Variants in BSN observed in about 807,000 individuals in gnomAD.
BSN encodes the protein bassoon presynaptic cytomatrix protein.
In BSN, 57 loss-of-function variants were observed where a neutral mutation model predicts 264.8. The ratio of observed to expected loss-of-function variants is 0.22; its 90% CI spans 0.17 to 0.27. The LOEUF (loss-of-function observed/expected upper bound fraction) is 0.27, where lower values mean the gene tolerates loss of function less well. BSN is among the 10% of genes least tolerant of loss of function. The probability of loss-of-function intolerance (pLI) is 1.00; values close to 1 mark genes in which losing one functional copy is unlikely to be tolerated. For synonymous variants in BSN, 2,059 were observed against 2,137.3 expected, an observed-to-expected ratio of 0.96 and a Z score of 1.01; for missense variants, 4,615 against 5,232.5, an observed-to-expected ratio of 0.88 and a Z score of 3.64.
Position 49,642,494 on chromosome 3 carries a change from T to G in BSN, c.860T>G (p.Val287Gly). ...GCTGAGACAGCCAGGGCCACCTCAG[T>G]GCCGGGGCCTGCCCAAGCAGCTGCC... is the stretch of plus-strand genomic sequence containing the variant. Reference protein sequence around the residue: ...RQAETARATSVPGPAQAAAPP... With the variant: ...RQAETARATSGPGPAQAAAPP... Residue 287 changes from valine to glycine, a missense_variant, in exon 3 of 12, where the codon GTG becomes GGG. Val to Gly is a moderately radical substitution (Grantham distance 109). Around this residue, in one of 3 missense-constraint regions of BSN, gnomAD observed 1,197 missense variants for 1,348.0 expected, o/e 0.89. Transcript: ENST00000296452. The surrounding 1 kb of genome is among the most constrained non-coding windows in gnomAD (Gnocchi z 7.0). 6.4e-7 allele frequency: 1 copy of G among 1,568,202 alleles called. No homozygotes were observed. Among genetic ancestry groups the G allele is most frequent in the Non-Finnish European group, 8.6e-7 (1 of 1,157,968 alleles).
chr3:49,654,959 A>T lies in BSN; in HGVS notation c.5403A>T (p.Arg1801Ser). ...RGRPREAKFA[R>S]YNLPNQVAPL... The stretch of plus-strand genomic sequence containing the variant: ...GACCCAGGGAGGCCAAGTTTGCCAG[A>T]TATAACCTACCCAACCAAGTAGCTC... Residue 1801 changes from arginine (R) to serine (S), a missense_variant, in exon 5 of 12, where the codon AGA becomes AGT. Arg to Ser is a moderately radical substitution (Grantham distance 110, BLOSUM62 -1). Around this residue, in one of 3 missense-constraint regions of BSN, gnomAD observed 3,415 missense variants for 3,866.4 expected, o/e 0.88. Transcript: ENST00000296452. This position sits in a 1 kb window ranked among gnomAD's most constrained non-coding sequence, Gnocchi z 4.1. 6.2e-7 allele frequency: 1 copy of T among 1,612,656 alleles called. No individual in the cohort carries two copies.
intron 1 of BSN, among the ~76,000 whole-genome samples, chr3:49,598,589 G>C (rs1233876491): frequency 2.0e-5 from 3 of 152,182 alleles, no homozygotes; most frequent in Admixed American, 2.0e-4. Context: ...GAGGCACCAT[G>C]CCTGGCCTTT....
Position 49,655,092 on chromosome 3 carries a change from C to T in BSN, c.5536C>T (p.Pro1846Ser). The change falls in exon 5 of 12, where the codon CCT becomes TCT. Residue 1846 changes from proline to serine, a missense_variant. Pro to Ser is a moderately conservative substitution (Grantham distance 74). Transcript: ENST00000296452. Reference sequence around the variant, plus strand: ...AGGTGCCGAGCCCCACCGGGCCACCCCTGCAGAGCTGCGGTCACATGCTCT... The same window carrying T: ...AGGTGCCGAGCCCCACCGGGCCACCTCTGCAGAGCTGCGGTCACATGCTCT... ...EPGAEPHRAT[P>S]AELRSHALPG... 1 of 1,612,860 alleles carries T rather than the reference C, an allele frequency of 6.2e-7. No homozygotes were observed. Among genetic ancestry groups the T allele is most frequent in the Non-Finnish European group, 8.5e-7 (1 of 1,179,976 alleles).
Position 49,651,139 on chromosome 3 carries a change from C to T in BSN, c.1986+60C>T. On this transcript the variant is annotated intron_variant, in intron 4 of 11. Transcript: ENST00000296452. The surrounding 1 kb of genome is among the most constrained non-coding windows in gnomAD (Gnocchi z 5.4). ...TCAGACAGGACAGTCTATGGAAAGG[C>T]TTGCCTCCCTGGGTGGCTGAGGCTG... 6.6e-7 allele frequency: 1 copy of T among 1,514,990 alleles called. No individual in the cohort carries two copies. 93.8% of individuals were successfully genotyped at this position (1,514,990 alleles called of 1,614,324 possible).
intron 1 of BSN, among the ~76,000 whole-genome samples, chr3:49,612,360 C>T (rs2052215551): frequency 6.6e-6 from 1 of 152,206 alleles, no homozygotes; most frequent in Non-Finnish European, 1.5e-5. Flanking sequence ...TGGTCTCGAT[C>T]TCCTGACCTT....
chr3:49,563,959 C>T (rs1459573517), intron 1 of BSN, among the ~76,000 whole-genome samples: 3 of 152,304 alleles, frequency 2.0e-5, no homozygotes, highest in South Asian at 4.1e-4. Flanking sequence ...TATTTTTGCT[C>T]ACAGGTTTAG....
intron 1 of BSN, among the ~76,000 whole-genome samples, chr3:49,573,368 C>A (rs935725570): frequency 6.6e-6 from 1 of 152,146 alleles, no homozygotes; most frequent in African/African-American, 2.4e-5. Flanking sequence ...GGAAGATGGA[C>A]CAGAAAGATG....
In BSN at chr3:49,661,449, G is replaced by T; in HGVS notation, c.9604G>T (p.Asp3202Tyr). The change falls in exon 6 of 12, where the codon GAC (aspartate) becomes TAC (tyrosine). Residue 3202 changes from aspartate to tyrosine, a missense_variant. By Grantham distance (160) the Asp-to-Tyr change is radical (BLOSUM62 -3). Transcript: ENST00000296452. ...GGTCCCTGAGGTGCCCCGGGCTGGT[G>T]ACCGTGGCAGTGTGAGCCAGAGCCC... Reference protein sequence around the residue: ...GKVPEVPRAGDRGSVSQSPAP... With the variant: ...GKVPEVPRAGYRGSVSQSPAP... The T allele has an allele frequency of 6.2e-7, 1 of 1,613,538 alleles. No individual in the cohort carries two copies. Among genetic ancestry groups the T allele is most frequent in the South Asian group, 1.1e-5 (1 of 91,046 alleles).
chr3:49,598,435 C>T (rs1421562400), intron 1 of BSN, among the ~76,000 whole-genome samples: 2 of 152,156 alleles, frequency 1.3e-5, no homozygotes, highest in Non-Finnish European at 2.9e-5. Flanking sequence ...TCCTAGGGGT[C>T]ACCCCTGGGT....
At chr3:49,599,138 G>A (rs1038773320) in intron 1 of BSN, among the ~76,000 whole-genome samples, 1 of 152,192 alleles carries the variant, frequency 6.6e-6, no homozygotes, top group Non-Finnish European at 1.5e-5. Context: ...TGCTCCATCA[G>A]TGTTTGGCCA....
rs149010539 is a variant in BSN at position 49,648,651 on chromosome 3, T to C, written c.1519-1961T>C. On this transcript the variant is annotated intron_variant, in intron 3 of 11. Coordinates refer to ENST00000296452, the MANE Select transcript of BSN (RefSeq NM_003458.4). ...GGGCTCGGTCTCAACCTATCTGTAT[T>C]TTCCCCAGGCACCTCTGGGGGTGCA... Among the ~76,000 whole-genome samples the C allele has an allele frequency of 8.5e-3, 1,298 of 152,318 alleles. 10 individuals are homozygous for C. Among genetic ancestry groups the C allele is most frequent in the Non-Finnish European group, 0.014 (928 of 68,016 alleles).
chr3:49,589,371 A>G (rs1039824196), intron 1 of BSN, among the ~76,000 whole-genome samples: 4 of 151,894 alleles, frequency 2.6e-5, no homozygotes, highest in Non-Finnish European at 5.9e-5. Flanking sequence ...TCTCCCTTCA[A>G]TTCCGTCAGT....
rs1012248321 is a variant in BSN at position 49,663,464 on chromosome 3, C to T, written c.11306C>T (p.Ser3769Phe). The change falls in exon 7 of 12, where the codon TCT becomes TTT. Residue 3769 changes from serine to phenylalanine, a missense_variant. By Grantham distance (155) the Ser-to-Phe change is radical. Transcript: ENST00000296452. ...TCACCATCATCCAGGCAAATACCCT[C>T]TGGGGCAGCATCACGCCAGCCACAG... ...SQSPSSRQIP[S>F]GAASRQPQTQ... The T allele has an allele frequency of 4.3e-6, 7 of 1,612,976 alleles. No homozygotes were observed. The South Asian group carries it at 6.6e-5, about 15-fold the overall frequency.
chr3:49,643,022 C>A lies in BSN; in HGVS notation c.1388C>A (p.Ala463Asp). 6.2e-7 allele frequency: 1 copy of A among 1,614,112 alleles called. No individual in the cohort carries two copies. Among genetic ancestry groups the A allele is most frequent in the East Asian group, 2.2e-5 (1 of 44,888 alleles). Residue 463 changes from alanine to aspartate, a missense_variant, in exon 3 of 12, where the codon GCC (alanine) becomes GAC (aspartate). Physicochemically the swap from Ala to Asp is moderately radical, Grantham distance 126. This residue lies in a region of BSN where 1,197 missense variants were observed against 1,348.0 expected (regional missense o/e 0.89). Transcript: ENST00000296452. ...CCAAAGACCATGCCGAAGGAAAGGG[C>A]CATCTGCCCACTGTGCCAAGCCGAG... ...AKPKTMPKER[A>D]ICPLCQAELN...
At chr3:49,595,573 C>T (rs1270302310) in intron 1 of BSN, among the ~76,000 whole-genome samples, 1 of 151,868 alleles carries the variant, frequency 6.6e-6, no homozygotes, top group Non-Finnish European at 1.5e-5. Context: ...CTCACCGCAG[C>T]CTTGAACTCC....
In BSN at chr3:49,651,221, A is replaced by G. The variant is rs779441236; in HGVS notation, c.1986+142A>G. On this transcript the variant is annotated intron_variant, in intron 4 of 11. Transcript: ENST00000296452. The surrounding 1 kb of genome is among the most constrained non-coding windows in gnomAD (Gnocchi z 5.4). The stretch of plus-strand genomic sequence containing the variant: ...AGGAGGGAAGGGACACAGTAGAAGG[A>G]AAGTCTAGATGAGGTTCTGGCACGC... 2 of 853,224 alleles carry G rather than the reference A, an allele frequency of 2.3e-6. No individual in the cohort carries two copies. The highest frequency in any genetic ancestry group is 3.5e-6 in the Non-Finnish European group (2 of 571,970). The allele number at this position is 853,224 out of a possible 1,614,324, so 52.9% of individuals were successfully genotyped here.
At position 49,655,799 on chromosome 3, in the gene BSN, C is replaced by T. The variant is rs764357606; in HGVS notation, c.6243C>T (p.Gly2081=). 31 of 1,613,436 alleles carry T rather than the reference C, an allele frequency of 1.9e-5. No individual in the cohort carries two copies. The highest frequency in any genetic ancestry group is 2.5e-5 in the Non-Finnish European group (30 of 1,180,034). The change falls in exon 5 of 12, where the codon GGC becomes GGT. Residue 2081 remains glycine (G), a synonymous_variant. Coordinates refer to ENST00000296452, the MANE Select transcript of BSN (RefSeq NM_003458.4). ...HRYGPRGDAV[G]FQEASLAQYS... is the part of the protein sequence containing the mutation. ...ACGGCCCACGGGGAGATGCAGTTGG[C>T]TTCCAGGAGGCCAGCCTGGCCCAGT...
intron 1 of BSN, among the ~76,000 whole-genome samples, chr3:49,568,843 T>C (rs182474918): frequency 3.8e-4 from 58 of 152,242 alleles, no homozygotes; most frequent in South Asian, 4.1e-4. Context: ...AAATGGTAAA[T>C]GTATAAGTTG....
chr3:49,625,398 G>T lies in BSN; in HGVS notation c.633+15G>T, dbSNP rs1180742233. Reference sequence around the variant, plus strand: ...ATCTCACCCAGGTAACCACTTCTGCGCCGGCTCCCCACTCACCTGCTACCT... The same window carrying T: ...ATCTCACCCAGGTAACCACTTCTGCTCCGGCTCCCCACTCACCTGCTACCT... On this transcript the variant is annotated intron_variant, in intron 2 of 11. Coordinates refer to ENST00000296452, the MANE Select transcript of BSN (RefSeq NM_003458.4). The surrounding 1 kb of genome is among the most constrained non-coding windows in gnomAD (Gnocchi z 4.4). 3 of 1,455,720 alleles carry T rather than the reference G, an allele frequency of 2.1e-6. No homozygotes were observed. Among genetic ancestry groups the T allele is most frequent in the African/African-American group, 1.4e-5 (1 of 69,366 alleles). 90.2% of individuals were successfully genotyped at this position (1,455,720 alleles called of 1,614,324 possible). A position where few individuals can be genotyped will look rare whatever the true frequency, so the allele number is the denominator to read the frequency against.
Sources: allele counts gnomAD v4.1 joint callset (sites outside exome capture counted in the v4.1 genomes callset), GRCh38; gene constraint gnomAD v4.1.1; regional missense constraint gnomAD v4.1.1; non-coding constraint Gnocchi (gnomAD v3.1); transcripts MANE v1.5; gene names NCBI Gene and HGNC (gene_info 2026-07-23, HGNC 2026-07-21).